The following MAN1C1 variants were observed in gnomAD, a reference collection of about 807,000 sequenced individuals.
MAN1C1 encodes mannosidase alpha class 1C member 1.
A neutral mutation model predicts 71.5 loss-of-function variants in MAN1C1; 49 were observed. The observed-to-expected ratio is 0.69, with a 90% CI of 0.54 to 0.87. The LOEUF (loss-of-function observed/expected upper bound fraction) is 0.87, where lower values mean the gene tolerates loss of function less well. Among genes scored for constraint, MAN1C1 ranks in the 40% least tolerant of loss-of-function variants. MAN1C1 has a pLI of 0.00. For missense variants in MAN1C1, 743 were observed against 835.0 expected (o/e 0.89, Z 1.36); for synonymous variants, 352 against 343.7 (o/e 1.02, Z -0.27).
intron 2 of MAN1C1, among the ~76,000 whole-genome samples, chr1:25,688,394 G>T (rs534048820): frequency 5.5e-4 from 84 of 152,300 alleles, no homozygotes; most frequent in African/African-American, 1.9e-3. Context: ...TATCAAGAAA[G>T]CTTCCTCCTT....
intron 1 of MAN1C1, among the ~76,000 whole-genome samples, chr1:25,684,438 G>C (rs747953889): frequency 1.3e-5 from 2 of 152,272 alleles, no homozygotes; most frequent in East Asian, 1.9e-4. Context: ...GGCCAAGCCT[G>C]GGGGGGTGTC....
intron 1 of MAN1C1, among the ~76,000 whole-genome samples, chr1:25,621,849 G>A (rs1557736854): frequency 6.6e-6 from 1 of 152,028 alleles, no homozygotes. Context: ...GGCTGGTCTC[G>A]ATCTCCTGAC....
In MAN1C1 at chr1:25,746,449, CTGTT is replaced by C. The variant is rs2047129664; in HGVS notation, c.638-216_638-213del. ...CCTGGGCCCTCGGTCTCTCTGGCCG[CTGTT>C]TGCTGCCTTGAGGAGGAAGCAGCCC... On this transcript the variant is annotated intron_variant, in intron 2 of 11. Coordinates refer to ENST00000374332, the MANE Select transcript of MAN1C1 (RefSeq NM_020379.4). The surrounding 1 kb of genome is among the most constrained non-coding windows in gnomAD (Gnocchi z 4.0). Among the ~76,000 whole-genome samples the C allele has an allele frequency of 6.6e-6, 1 of 152,206 alleles. No homozygotes were observed. Among genetic ancestry groups the C allele is most frequent in the African/African-American group, 2.4e-5 (1 of 41,456 alleles).
chr1:25,661,999 C>G (rs2045856734), intron 1 of MAN1C1, among the ~76,000 whole-genome samples: 1 of 152,184 alleles, frequency 6.6e-6, no homozygotes, highest in Non-Finnish European at 1.5e-5. Context: ...GGCCAGCGAA[C>G]AGTGGTCAGA....
intron 2 of MAN1C1, among the ~76,000 whole-genome samples, chr1:25,724,030 T>TC (rs1463782302): frequency 6.6e-6 from 1 of 151,294 alleles, no homozygotes; most frequent in East Asian, 1.9e-4. Flanking sequence ...GCCTACCTTT[T>TC]TTTTTTTTTT....
chr1:25,675,648 G>A (rs1337708665), intron 1 of MAN1C1, among the ~76,000 whole-genome samples: 2 of 150,338 alleles, frequency 1.3e-5, no homozygotes, highest in Non-Finnish European at 3.0e-5. Flanking sequence ...TCTACTTTTA[G>A]TTCTTTAAGG....
In MAN1C1 at chr1:25,769,204, C is replaced by G. The variant is rs978939003; in HGVS notation, c.1142-2453C>G. ...TACACACACTCGCCTCATGCACACA[C>G]CCCACACACTACACATAGTCCCCTC... On this transcript the variant is annotated intron_variant, in intron 7 of 11. Transcript: ENST00000374332. The surrounding 1 kb of genome is among the most constrained non-coding windows in gnomAD (Gnocchi z 4.8). Among the ~76,000 whole-genome samples the G allele has an allele frequency of 6.6e-6, 1 of 150,588 alleles. No individual in the cohort carries two copies. Among genetic ancestry groups the G allele is most frequent in the African/African-American group, 2.5e-5 (1 of 40,796 alleles).
At chr1:25,763,501 A>C (rs544308022) in intron 6 of MAN1C1, 2 of 186,028 alleles carry the variant, frequency 1.1e-5, no homozygotes, top group South Asian at 1.1e-4. Flanking sequence ...AAAAAAAAAA[A>C]AAAAAAACCC....
intron 1 of MAN1C1, among the ~76,000 whole-genome samples, chr1:25,679,978 T>TACAC (rs765199500): frequency 4.1e-4 from 52 of 127,200 alleles, no homozygotes; most frequent in African/African-American, 1.6e-3. Flanking sequence ...TATATATATA[T>TACAC]ACACACACAC....
At chr1:25,639,361 T>C (rs2045507788) in intron 1 of MAN1C1, among the ~76,000 whole-genome samples, 2 of 152,228 alleles carry the variant, frequency 1.3e-5, no homozygotes, top group Non-Finnish European at 2.9e-5. Flanking sequence ...GACTGACTTA[T>C]CTGCTGAGTA....
At chr1:25,766,240 C>T (rs2047424558) in intron 7 of MAN1C1, among the ~76,000 whole-genome samples, 1 of 152,112 alleles carries the variant, frequency 6.6e-6, no homozygotes, top group Non-Finnish European at 1.5e-5. Flanking sequence ...CCTCGGCCTG[C>T]TAAAGAGCAG....
At chr1:25,713,706 C>A (rs979396205) in intron 2 of MAN1C1, among the ~76,000 whole-genome samples, 3 of 152,204 alleles carry the variant, frequency 2.0e-5, no homozygotes, top group African/African-American at 7.2e-5. Flanking sequence ...TCTCCGGCCT[C>A]TGTTCAGACT....
intron 1 of MAN1C1, among the ~76,000 whole-genome samples, chr1:25,661,825 A>G (rs550989603): frequency 9.1e-4 from 139 of 152,372 alleles, no homozygotes; most frequent in East Asian, 5.0e-3. Flanking sequence ...TGAAAGAAAT[A>G]TCACAGGATA....
chr1:25,702,743 G>A (rs548231682), intron 2 of MAN1C1, among the ~76,000 whole-genome samples: 1 of 152,212 alleles, frequency 6.6e-6, no homozygotes, highest in Non-Finnish European at 1.5e-5. Context: ...TTAATACACT[G>A]TGAAGGGCTT....
chr1:25,734,469 C>T (rs1274672561), intron 2 of MAN1C1, among the ~76,000 whole-genome samples: 1 of 152,234 alleles, frequency 6.6e-6, no homozygotes, highest in Non-Finnish European at 1.5e-5. Flanking sequence ...AAACAAACAG[C>T]ACAGTGCCAG....
At chr1:25,721,732 T>A (rs1439919032) in intron 2 of MAN1C1, among the ~76,000 whole-genome samples, 1 of 152,252 alleles carries the variant, frequency 6.6e-6, no homozygotes, top group Non-Finnish European at 1.5e-5. Context: ...TACTTCCTTC[T>A]TTCTAATATG....
chr1:25,710,812 T>G (rs2046603424), intron 2 of MAN1C1, among the ~76,000 whole-genome samples: 1 of 152,194 alleles, frequency 6.6e-6, no homozygotes, highest in Admixed American at 6.5e-5. Flanking sequence ...CAATGAATTC[T>G]TAAAGAAAGG....
At chr1:25,761,617 C>CTTTT (rs1557796953) in intron 6 of MAN1C1, 1 of 80,198 alleles carries the variant, frequency 1.2e-5, no homozygotes, top group African/African-American at 5.1e-5. Flanking sequence ...TCTACCTCTA[C>CTTTT]TTCTTTTTTT....
chr1:25,773,205 C>A (rs1266625785), intron 8 of MAN1C1, among the ~76,000 whole-genome samples: 1 of 144,744 alleles, frequency 6.9e-6, no homozygotes, highest in Non-Finnish European at 1.5e-5. Context: ...TGCATGGGTG[C>A]ATGAATGCTG....
Sources: gnomAD v4.1 joint callset for allele counts (sites outside exome capture counted in the v4.1 genomes callset) on GRCh38, gnomAD v4.1.1 for gene constraint, Gnocchi (gnomAD v3.1) non-coding constraint, MANE v1.5 for transcripts, NCBI Gene and HGNC (gene_info 2026-07-23, HGNC 2026-07-21) for gene names.